The following GTF3C5 variants were observed in gnomAD, a reference collection of about 807,000 sequenced individuals.
The protein encoded by GTF3C5 is general transcription factor IIIC subunit 5.
Under a neutral mutation model 61.0 loss-of-function variants are expected in GTF3C5, and 47 were observed. The ratio of observed to expected loss-of-function variants is 0.77; its 90% CI spans 0.61 to 0.98. The LOEUF (loss-of-function observed/expected upper bound fraction) is 0.98. GTF3C5 is among the 50% of genes least tolerant of loss of function. The pLI, the probability that GTF3C5 is intolerant of heterozygous loss-of-function variation, is 0.00. For missense variants in GTF3C5, 659 were observed against 703.3 expected (o/e 0.94, Z 0.71); for synonymous variants, 295 against 275.4 (o/e 1.07, Z -0.71).
chr9:133,045,447 A>G (rs1564199312), intron 3 of GTF3C5, among the ~76,000 whole-genome samples: 2 of 152,162 alleles, frequency 1.3e-5, no homozygotes, highest in Non-Finnish European at 2.9e-5. Flanking sequence ...GACAACATGG[A>G]AAAAAACTTT....
intron 8 of GTF3C5, chr9:133,055,768 T>C: frequency 1.5e-6 from 2 of 1,349,382 alleles, no homozygotes; most frequent in East Asian, 2.9e-5. Flanking sequence ...ACGGGCGGGC[T>C]CACCGTTTCC....
intron 1 of GTF3C5, among the ~76,000 whole-genome samples, chr9:133,031,742 C>T (rs1489999365): frequency 6.6e-6 from 1 of 152,174 alleles, no homozygotes; most frequent in African/African-American, 2.4e-5. Flanking sequence ...GTCTCTACTG[C>T]TGTGTCTTTC....
intron 3 of GTF3C5, among the ~76,000 whole-genome samples, chr9:133,045,124 T>C (rs960319440): frequency 1.3e-5 from 2 of 152,108 alleles, no homozygotes; most frequent in East Asian, 1.9e-4. Context: ...TTGAATACTG[T>C]GAAAACAAAA....
chr9:133,039,919 AG>A (rs1849989298), intron 1 of GTF3C5, among the ~76,000 whole-genome samples: 1 of 152,224 alleles, frequency 6.6e-6, no homozygotes. Flanking sequence ...GCTTTGCTCT[AG>A]AGTCTGAACT....
chr9:133,041,085 G>T (rs991740244), intron 1 of GTF3C5, among the ~76,000 whole-genome samples: 2 of 152,248 alleles, frequency 1.3e-5, no homozygotes, highest in African/African-American at 2.4e-5. Flanking sequence ...CCACCAGAGG[G>T]CTCCTTGGTC....
At chr9:133,046,256 A>G (rs1359108852) in intron 3 of GTF3C5, among the ~76,000 whole-genome samples, 1 of 152,198 alleles carries the variant, frequency 6.6e-6, no homozygotes, top group Non-Finnish European at 1.5e-5. Flanking sequence ...GGTTGAGCCC[A>G]GGATTTTGAG....
chr9:133,051,333 C>T lies in GTF3C5; in HGVS notation c.768+355C>T, dbSNP rs140709563. 1.3e-4 allele frequency among the ~76,000 whole-genome samples: 20 copies of T among 152,370 alleles called. No individual in the cohort carries two copies. In the East Asian group the frequency reaches 1.9e-3, roughly 15 times the overall value. On this transcript the variant is annotated intron_variant, in intron 4 of 10. Transcript: ENST00000372097. ...TGTGCCAGGCCCAGCACTTTCTTAC[C>T]GTTAGAACTGGAACCGTGCTGCCAG...
chr9:133,053,224 G>C (rs1342568638), intron 5 of GTF3C5, among the ~76,000 whole-genome samples: 1 of 152,020 alleles, frequency 6.6e-6, no homozygotes, highest in Non-Finnish European at 1.5e-5. Context: ...TAGTAACATT[G>C]GGCACTTAAT....
upstream of GTF3C5, chr9:133,030,838 C>T (rs2118956359): frequency 8.1e-6 from 6 of 738,120 alleles, no homozygotes; most frequent in Admixed American, 9.0e-5. Flanking sequence ...AGACATGGGC[C>T]CTCCCATGGG....
rs538955235 is a variant in GTF3C5, at chr9:133,051,757, CT to C, written c.769-302del. Among the ~76,000 whole-genome samples the C allele has an allele frequency of 5.8e-4, 89 of 152,336 alleles. 2 individuals carry two copies. The East Asian group carries it at 0.014, about 24-fold the overall frequency. On this transcript the variant is annotated intron_variant, in intron 4 of 10. Coordinates refer to ENST00000372097, the MANE Select transcript of GTF3C5 (RefSeq NM_012087.4). Reference sequence around the variant, plus strand: ...ACCCTGGGACTCTAGCATGTGCCCCCTGAGCCGTACTCCCCACCGCGCTGTG... The same window carrying C: ...ACCCTGGGACTCTAGCATGTGCCCCCGAGCCGTACTCCCCACCGCGCTGTG...
At position 133,042,203 on chromosome 9, in the gene GTF3C5, G is replaced by T. The variant is rs371055919; in HGVS notation, c.270G>T (p.Lys90Asn). Residue 90 changes from lysine to asparagine, a missense_variant, in exon 2 of 11, where the codon AAG becomes AAT. By Grantham distance (94) the Lys-to-Asn change is moderately conservative. Coordinates refer to ENST00000372097, the MANE Select transcript of GTF3C5 (RefSeq NM_012087.4). The part of the protein sequence containing the change: ...STSSLLLRIR[K>N]RTRRQKGVLG... ...GCAGCCTGCTGCTCCGCATCAGGAA[G>T]AGAACGAGGCGGCAGAAAGGGGTGC... The T allele has an allele frequency of 4.3e-6, 7 of 1,613,962 alleles. No homozygotes were observed. In the African/African-American group the frequency reaches 8.0e-5, roughly 18 times the overall value.
At chr9:133,053,678 G>A in intron 5 of GTF3C5, 150 bp from the exon 6 acceptor site, 1 of 488,110 alleles carries the variant, frequency 2.0e-6, no homozygotes, top group East Asian at 3.1e-5. Context: ...TCACCAAGGT[G>A]ACAGGGCCTG....
chr9:133,058,136 G>C lies in GTF3C5; in HGVS notation c.*156G>C. 1.4e-6 allele frequency: 2 copies of C among 1,468,958 alleles called. No individual in the cohort carries two copies. The highest frequency in any genetic ancestry group is 1.8e-6 in the Non-Finnish European group (2 of 1,112,028). The allele number at this position is 1,468,958 out of a possible 1,614,324, so 91.0% of individuals were successfully genotyped here. On this transcript the variant is annotated 3_prime_UTR_variant, in exon 11 of 11. Transcript: ENST00000372097. The stretch of plus-strand genomic sequence containing the variant: ...CCAGCAAAGGGTGCAGCTGACCCTA[G>C]CACTGGCTGTGACATGCTGCTTGGT...
At chr9:133,055,221 G>A (rs576343868) in intron 8 of GTF3C5, 85 of 1,511,360 alleles carry the variant, frequency 5.6e-5, no homozygotes, top group South Asian at 3.9e-4. Context: ...TCACGTTTCC[G>A]TCAGTGCGGT....
chr9:133,035,225 A>C (rs1454334769), intron 1 of GTF3C5, among the ~76,000 whole-genome samples: 2 of 152,184 alleles, frequency 1.3e-5, no homozygotes, highest in African/African-American at 2.4e-5. Context: ...TAGCAGTTGC[A>C]CTTGAAAAGG....
chr9:133,054,708 G>T lies in GTF3C5; in HGVS notation c.1070-4G>T. 1 of 1,562,874 alleles carries T rather than the reference G, an allele frequency of 6.4e-7. No homozygotes were observed. Among genetic ancestry groups the T allele is most frequent in the Non-Finnish European group, 8.7e-7 (1 of 1,153,298 alleles). On this transcript the variant is annotated splice_polypyrimidine_tract_variant and splice_region_variant and intron_variant, in intron 7 of 10. Coordinates refer to ENST00000372097, the MANE Select transcript of GTF3C5 (RefSeq NM_012087.4). ...TTCCAAGCACTGCTGTTGTCCCCAC[G>T]CAGCCAGCCAGCTTGTCACCATGCA...
intron 2 of GTF3C5, 49 bp from the exon 3 acceptor site, chr9:133,043,679 T>C: frequency 1.4e-6 from 2 of 1,460,818 alleles, no homozygotes; most frequent in Non-Finnish European, 1.9e-6. Flanking sequence ...GTGTGGCAGC[T>C]GCCCATTCCT....
chr9:133,042,414 GC>G, intron 2 of GTF3C5, 108 bp downstream of exon 2: 1 of 763,892 alleles, frequency 1.3e-6, no homozygotes, highest in Non-Finnish European at 2.2e-6. Flanking sequence ...GCCAGGATAT[GC>G]CCAGGGGCTG....
chr9:133,057,756 C>G, intron 10 of GTF3C5, 58 bp from the exon 11 acceptor site: 7 of 1,500,022 alleles, frequency 4.7e-6, no homozygotes, highest in Non-Finnish European at 6.2e-6. Flanking sequence ...GGTGGCCTTT[C>G]TGGGGCCACC....
Sources: allele counts gnomAD v4.1 joint callset (sites outside exome capture counted in the v4.1 genomes callset), GRCh38; gene constraint gnomAD v4.1.1; transcripts MANE v1.5; gene names NCBI Gene and HGNC (gene_info 2026-07-23, HGNC 2026-07-21).